GNA12: variants seen among roughly 807,000 people sequenced by gnomAD.
GNA12 encodes G protein subunit alpha 12, also known as guanine nucleotide-binding protein subunit alpha-12.
In GNA12, 9 loss-of-function variants were observed where a neutral mutation model predicts 26.0. The observed-to-expected ratio is 0.35, with a 90% CI of 0.21 to 0.60. The LOEUF (loss-of-function observed/expected upper bound fraction) is 0.60. GNA12 is among the 20% of genes least tolerant of loss of function. The pLI is 0.78. For missense variants in GNA12, 405 were observed against 525.8 expected, an observed-to-expected ratio of 0.77 and a Z score of 2.25; for synonymous variants, 264 against 219.6, an observed-to-expected ratio of 1.20 and a Z score of -1.79.
At chr7:2,741,163 T>C (rs975981310) in intron 2 of GNA12, among the ~76,000 whole-genome samples, 2 of 152,198 alleles carry the variant, frequency 1.3e-5, no homozygotes, top group Non-Finnish European at 2.9e-5. Context: ...AATTTTACAG[T>C]ATGTTTTAAG....
At chr7:2,835,572 G>A (rs370952713) in intron 1 of GNA12, 8 of 532,548 alleles carry the variant, frequency 1.5e-5, no homozygotes, top group African/African-American at 5.8e-5. Flanking sequence ...GAGCAAGAGC[G>A]CGCTTGGGGG....
chr7:2,792,620 T>TA (rs1792548463), intron 2 of GNA12, among the ~76,000 whole-genome samples: 1 of 152,234 alleles, frequency 6.6e-6, no homozygotes, highest in Non-Finnish European at 1.5e-5. Flanking sequence ...GGAAAAGGTG[T>TA]AAACCTCAAT....
intron 2 of GNA12, among the ~76,000 whole-genome samples, chr7:2,752,463 C>G (rs530960738): frequency 1.3e-5 from 2 of 152,038 alleles, no homozygotes; most frequent in South Asian, 4.2e-4. Flanking sequence ...AGCAAGCAAG[C>G]GAACAAATGA....
chr7:2,731,119 C>T lies in GNA12; in HGVS notation c.*62G>A, dbSNP rs1261853398. 1.4e-5 allele frequency: 16 copies of T among 1,137,938 alleles called. No homozygotes were observed. Among genetic ancestry groups the T allele is most frequent in the Non-Finnish European group, 2.1e-5 (16 of 776,970 alleles). 70.5% of individuals were successfully genotyped at this position (1,137,938 alleles called of 1,614,324 possible). A position where few individuals can be genotyped will look rare whatever the true frequency, so the allele number is the denominator to read the frequency against. On this transcript the variant is annotated 3_prime_UTR_variant, in exon 4 of 4. Transcript: ENST00000275364. This position sits in a 1 kb window ranked among gnomAD's most constrained non-coding sequence, Gnocchi z 6.0. ...AAGGACCACACAGACAACACACACC[C>T]AAGAGTCTGACCGACAGCCGTGGGG...
intron 2 of GNA12, among the ~76,000 whole-genome samples, chr7:2,768,605 C>T (rs767754916): frequency 1.0e-4 from 15 of 149,330 alleles, no homozygotes; most frequent in Non-Finnish European, 2.1e-4. Context: ...AATGCAGTTA[C>T]GTACATTTAG....
intron 1 of GNA12, among the ~76,000 whole-genome samples, chr7:2,836,912 G>A (rs968830090): frequency 2.0e-5 from 3 of 152,196 alleles, no homozygotes; most frequent in Non-Finnish European, 4.4e-5. Context: ...CAACAAGAGC[G>A]AAACTCCATC....
intron 1 of GNA12, among the ~76,000 whole-genome samples, chr7:2,802,584 T>C (rs1792837625): frequency 6.6e-6 from 1 of 152,146 alleles, no homozygotes; most frequent in African/African-American, 2.4e-5. Context: ...TGCTTTAAGA[T>C]AATATGAGCC....
chr7:2,809,324 C>T (rs959161398), intron 1 of GNA12, among the ~76,000 whole-genome samples: 27 of 152,178 alleles, frequency 1.8e-4, no homozygotes, highest in Admixed American at 1.3e-3. Flanking sequence ...CTACCTCATA[C>T]CTGCAGTGAG....
chr7:2,802,393 T>G (rs2057918), intron 1 of GNA12, among the ~76,000 whole-genome samples: 62,393 of 105,700 alleles, frequency 0.59, 17,898 homozygotes, highest in Admixed American at 0.66. Flanking sequence ...AGATTTTTTT[T>G]GGGGGGGTGG....
Position 2,729,301 on chromosome 7 carries a change from G to T in GNA12, c.*1880C>A, listed in dbSNP as rs7805092. 0.52 allele frequency: 79,045 copies of T among 152,280 alleles called. 22,638 individuals are homozygous for T. The highest frequency in any genetic ancestry group is 0.77 in the African/African-American group (32,110 of 41,502). 9.4% of individuals were successfully genotyped at this position (152,280 alleles called of 1,614,324 possible). ...GCGTCACTGTTGCAGACTGCAAATGGGACCTGAGACCACCCCGAGGGCCCC... is the reference window on the plus strand; with the variant it reads ...GCGTCACTGTTGCAGACTGCAAATGTGACCTGAGACCACCCCGAGGGCCCC... On this transcript the variant is annotated 3_prime_UTR_variant, in exon 4 of 4. Coordinates refer to ENST00000275364, the MANE Select transcript of GNA12 (RefSeq NM_007353.3).
In GNA12 at chr7:2,814,747, A is replaced by G. The variant is rs1447302821; in HGVS notation, c.310-19604T>C. The G allele has an allele frequency of 4.9e-6, 4 of 820,682 alleles. No homozygotes were observed. In the Admixed American group the frequency reaches 7.2e-5, roughly 15 times the overall value. The allele number at this position is 820,682 out of a possible 1,614,324, so 50.8% of individuals were successfully genotyped here. ...CTTGCATATAACGGCCTTCCACAGA[A>G]GTTTATCAGCCTGTCCAACACACAT... On this transcript the variant is annotated intron_variant, in intron 1 of 3. Transcript: ENST00000275364.
At chr7:2,747,592 TC>T (rs903135859) in intron 2 of GNA12, among the ~76,000 whole-genome samples, 24 of 152,118 alleles carry the variant, frequency 1.6e-4, no homozygotes, top group Admixed American at 1.4e-3. Flanking sequence ...CTGGAAGCAT[TC>T]CCTTTGAAAA....
intron 2 of GNA12, among the ~76,000 whole-genome samples, chr7:2,769,349 C>A (rs956612602): frequency 1.3e-5 from 2 of 152,230 alleles, no homozygotes; most frequent in East Asian, 3.8e-4. Context: ...ATGCACACCA[C>A]TTCTGGGACA....
intron 1 of GNA12, among the ~76,000 whole-genome samples, chr7:2,823,106 G>C (rs1793405546): frequency 6.6e-6 from 1 of 152,172 alleles, no homozygotes; most frequent in Admixed American, 6.5e-5. Context: ...TATATTATTT[G>C]TAACTAAAAA....
chr7:2,738,414 G>A (rs139050108), intron 2 of GNA12, among the ~76,000 whole-genome samples: 66 of 152,318 alleles, frequency 4.3e-4, no homozygotes, highest in African/African-American at 1.5e-3. Context: ...CGCAGTCAGG[G>A]GCTACGCACC....
At chr7:2,761,595 T>A (rs1791558430) in intron 2 of GNA12, among the ~76,000 whole-genome samples, 1 of 152,132 alleles carries the variant, frequency 6.6e-6, no homozygotes, top group African/African-American at 2.4e-5. Flanking sequence ...TACAAACAGT[T>A]CTCACTTTAC....
chr7:2,820,765 T>G (rs1793331665), intron 1 of GNA12, among the ~76,000 whole-genome samples: 1 of 152,210 alleles, frequency 6.6e-6, no homozygotes, highest in Non-Finnish European at 1.5e-5. Context: ...AGAGACAGGA[T>G]CTCACTCTGT....
At chr7:2,738,283 T>TAA (rs34320599) in intron 2 of GNA12, among the ~76,000 whole-genome samples, 1 of 142,854 alleles carries the variant, frequency 7.0e-6, no homozygotes, top group African/African-American at 2.6e-5. Context: ...AGGCTCCATC[T>TAA]AAAAAAAAAA....
At chr7:2,780,048 G>GTATATATATATATATA (rs1554259618) in intron 2 of GNA12, among the ~76,000 whole-genome samples, 24 of 84,722 alleles carry the variant, frequency 2.8e-4, no homozygotes, top group African/African-American at 1.1e-3. Flanking sequence ...ACATTTCTGT[G>GTATATATATATATATA]TACATATATA....
Sources: allele counts gnomAD v4.1 joint callset (sites outside exome capture counted in the v4.1 genomes callset), GRCh38; gene constraint gnomAD v4.1.1; non-coding constraint Gnocchi (gnomAD v3.1); transcripts MANE v1.5; gene names NCBI Gene and HGNC (gene_info 2026-07-23, HGNC 2026-07-21).